R3HDM2: variants seen among roughly 807,000 people sequenced by gnomAD.
The protein encoded by R3HDM2 is R3H domain containing 2, also known as R3H domain-containing protein 2.
In R3HDM2, 38 loss-of-function variants were observed where a neutral mutation model predicts 124.5. That is an observed-to-expected ratio of 0.31 (90% CI 0.24 to 0.40). The LOEUF is 0.40. Ranked by LOEUF, R3HDM2 falls within the 10% of genes least tolerant of loss-of-function variation. The pLI is 1.00. For synonymous variants in R3HDM2, 391 were observed against 448.0 expected, an observed-to-expected ratio of 0.87 and a Z score of 1.61; for missense variants, 869 against 1,236.9, an observed-to-expected ratio of 0.70 and a Z score of 4.46.
In R3HDM2 at chr12:57,284,030, G is replaced by A; in HGVS notation, c.965C>T (p.Thr322Ile). 1 of 1,608,430 alleles carries A rather than the reference G, an allele frequency of 6.2e-7. No individual in the cohort carries two copies. Residue 322 changes from threonine to isoleucine, a missense_variant, in exon 13 of 24, where the codon ACC becomes ATC. Coordinates refer to ENST00000402412, the MANE Select transcript of R3HDM2 (RefSeq NM_001394031.1). ...IRGNREGLSRTSSSRQSSTDS... is the reference protein window; with the variant it reads ...IRGNREGLSRISSSRQSSTDS... ...TGTGCTGCTCTGGCGGCTGCTTGAGGTGCGGCTCAGTCCTTCACGGTTCCC... is the reference window on the plus strand; with the variant it reads ...TGTGCTGCTCTGGCGGCTGCTTGAGATGCGGCTCAGTCCTTCACGGTTCCC...
chr12:57,339,800 AG>A (rs1447673427), intron 2 of R3HDM2, among the ~76,000 whole-genome samples: 1 of 152,162 alleles, frequency 6.6e-6, no homozygotes, highest in Non-Finnish European at 1.5e-5. Flanking sequence ...AGAATTAAGT[AG>A]GTATAGTAAC....
At position 57,371,083 on chromosome 12, in the gene R3HDM2, CTTTTTTTTTTTTTTTTTTTTTT is replaced by C. The variant is rs775839017; in HGVS notation, c.-36+24644_-36+24665del. Reference sequence around the variant, plus strand: ...AATGGGAACCAAATATATACCATTACTTTTTTTTTTTTTTTTTTTTTTTTTTTTTTAAGATACACACACAAAC... The same window carrying C: ...AATGGGAACCAAATATATACCATTACTTTTTTTTAAGATACACACACAAAC... On this transcript the variant is annotated intron_variant, in intron 2 of 23. Coordinates refer to ENST00000402412, the MANE Select transcript of R3HDM2 (RefSeq NM_001394031.1). Among the ~76,000 whole-genome samples, 10 of 40,900 alleles carry C rather than the reference CTTTTTTTTTTTTTTTTTTTTTT, an allele frequency of 2.4e-4. 1 individual carries two copies. Among genetic ancestry groups the C allele is most frequent in the African/African-American group, 7.7e-4 (9 of 11,696 alleles). The allele number at this position is 40,900 out of a possible 152,430, so 26.8% of individuals were successfully genotyped here.
At chr12:57,364,552 T>C (rs1392015014) in intron 2 of R3HDM2, among the ~76,000 whole-genome samples, 1 of 152,112 alleles carries the variant, frequency 6.6e-6, no homozygotes, top group Non-Finnish European at 1.5e-5. Context: ...CCAAGGGCTC[T>C]CTCCTTGACT....
At chr12:57,347,809 A>G (rs1280749000) in intron 2 of R3HDM2, among the ~76,000 whole-genome samples, 1 of 152,230 alleles carries the variant, frequency 6.6e-6, no homozygotes, top group Non-Finnish European at 1.5e-5. Context: ...AACAAAATAC[A>G]TTCAAAGGAA....
rs193301306 is a variant in R3HDM2, at chr12:57,317,966, C to T, written c.-35-7503G>A. Among the ~76,000 whole-genome samples the T allele has an allele frequency of 3.1e-4, 43 of 139,836 alleles. 1 individual carries two copies. The highest frequency in any genetic ancestry group is 1.0e-3 in the African/African-American group (39 of 37,454). The allele number at this position is 139,836 out of a possible 152,430, so 91.7% of individuals were successfully genotyped here. A position where few individuals can be genotyped will look rare whatever the true frequency, so the allele number is the denominator to read the frequency against. The stretch of plus-strand genomic sequence containing the variant: ...TTGCACTCCAGCCTGGGCAACAGAG[C>T]GAGACTCCGTCCCCGCCCCCCCAAA... On this transcript the variant is annotated intron_variant, in intron 2 of 23. Coordinates refer to ENST00000402412, the MANE Select transcript of R3HDM2 (RefSeq NM_001394031.1).
chr12:57,391,916 C>T (rs532320512), intron 2 of R3HDM2, among the ~76,000 whole-genome samples: 7 of 152,308 alleles, frequency 4.6e-5, no homozygotes, highest in Non-Finnish European at 8.8e-5. Flanking sequence ...AATCCCAGCA[C>T]TGTGGGAGGC....
At chr12:57,418,356 T>C (rs1030603297) in intron 1 of R3HDM2, 26 of 985,392 alleles carry the variant, frequency 2.6e-5, no homozygotes, top group Non-Finnish European at 3.1e-5. Context: ...AGAGCTTTCT[T>C]TTGCCTTCAG....
intron 2 of R3HDM2, among the ~76,000 whole-genome samples, chr12:57,316,582 C>CTTTTT (rs761496804): frequency 8.0e-5 from 8 of 100,124 alleles, no homozygotes; most frequent in Non-Finnish European, 1.0e-4. Flanking sequence ...TGCATCCATC[C>CTTTTT]TTTTTTTTTT....
At chr12:57,319,005 A>C (rs2055787893) in intron 2 of R3HDM2, among the ~76,000 whole-genome samples, 1 of 152,160 alleles carries the variant, frequency 6.6e-6, no homozygotes, top group Admixed American at 6.6e-5. Flanking sequence ...AATAGTCAAA[A>C]ACCAGAAAGG....
At chr12:57,269,698 T>C (rs2043181806) in intron 15 of R3HDM2, 54 bp downstream of exon 15, 1 of 1,609,668 alleles carries the variant, frequency 6.2e-7, no homozygotes, top group Non-Finnish European at 8.5e-7. Flanking sequence ...AAAGAAAGTA[T>C]AATACTAGAC....
At chr12:57,255,263 C>A (rs1019679073) in intron 23 of R3HDM2, 150 bp from the exon 24 acceptor site, 11 of 608,572 alleles carry the variant, frequency 1.8e-5, no homozygotes, top group Non-Finnish European at 2.7e-5. Flanking sequence ...TCTTCCCCTC[C>A]CCACCATCCC....
intron 1 of R3HDM2, among the ~76,000 whole-genome samples, chr12:57,422,091 A>G (rs1440492967): frequency 2.5e-5 from 3 of 119,922 alleles, no homozygotes; most frequent in Non-Finnish European, 5.5e-5. Context: ...GACTCCGCCT[A>G]GCAAAAAAAA....
At chr12:57,379,950 A>C (rs535155857) in intron 2 of R3HDM2, among the ~76,000 whole-genome samples, 1 of 152,250 alleles carries the variant, frequency 6.6e-6, no homozygotes, top group Admixed American at 6.5e-5. Flanking sequence ...GATCTCTTCA[A>C]CTTATCTTCC....
chr12:57,291,973 A>G (rs1406533138), intron 11 of R3HDM2, among the ~76,000 whole-genome samples: 1 of 152,246 alleles, frequency 6.6e-6, no homozygotes, highest in East Asian at 1.9e-4. Flanking sequence ...CCTAGGAGCT[A>G]GTCCTGTTGT....
At chr12:57,333,062 A>G (rs1185211249) in intron 2 of R3HDM2, among the ~76,000 whole-genome samples, 1 of 152,218 alleles carries the variant, frequency 6.6e-6, no homozygotes, top group Non-Finnish European at 1.5e-5. Context: ...TACAAGATCT[A>G]GAGAGGGAAA....
intron 2 of R3HDM2, among the ~76,000 whole-genome samples, chr12:57,386,155 G>GCTCGCAGCT (rs1555304961): frequency 1.4e-5 from 2 of 147,368 alleles, no homozygotes; most frequent in Non-Finnish European, 3.1e-5. Flanking sequence ...TGCTGGCAGC[G>GCTCGCAGCT]CTCGCAGCCC....
At chr12:57,354,335 G>A (rs1358274156) in intron 2 of R3HDM2, among the ~76,000 whole-genome samples, 4 of 151,514 alleles carry the variant, frequency 2.6e-5, no homozygotes, top group South Asian at 4.2e-4. Flanking sequence ...ACTCTGTCAC[G>A]CAGGCTCGAG....
chr12:57,254,727 A>AC lies in R3HDM2; in HGVS notation c.*45dup, dbSNP rs763438654. On this transcript the variant is annotated 3_prime_UTR_variant, in exon 24 of 24. Transcript: ENST00000402412. Reference sequence around the variant, plus strand: ...CTGTCAGGATCCTTCAACCCCCTCCACCCTGCCCTTGCTCCTTCTGTGACA... The same window carrying AC: ...CTGTCAGGATCCTTCAACCCCCTCCACCCCTGCCCTTGCTCCTTCTGTGACA... 3 of 1,438,586 alleles carry AC rather than the reference A, an allele frequency of 2.1e-6. No individual in the cohort carries two copies. The highest frequency in any genetic ancestry group is 2.8e-6 in the Non-Finnish European group (3 of 1,055,740). 89.1% of individuals were successfully genotyped at this position (1,438,586 alleles called of 1,614,324 possible). A position where few individuals can be genotyped will look rare whatever the true frequency, so the allele number is the denominator to read the frequency against.
chr12:57,289,138 A>AACCAAAGCTCACCCCACCAACAGGGAGAG, intron 11 of R3HDM2, 98 bp from the exon 12 acceptor site: 1 of 1,213,550 alleles, frequency 8.2e-7, no homozygotes, highest in Non-Finnish European at 1.2e-6. Flanking sequence ...AAGGTCCTCA[A>AACCAAAGCTCACCCCACCAACAGGGAGAG]ACCAAAGCTC....
Sources: allele counts gnomAD v4.1 joint callset (sites outside exome capture counted in the v4.1 genomes callset), GRCh38; gene constraint gnomAD v4.1.1; transcripts MANE v1.5; gene names NCBI Gene and HGNC (gene_info 2026-07-23, HGNC 2026-07-21).